The following ABR variants were observed in gnomAD, a reference collection of about 807,000 sequenced individuals.
The protein encoded by ABR is ABR activator of RhoGEF and GTPase.
A neutral mutation model predicts 107.2 loss-of-function variants in ABR; 35 were observed. That is an observed-to-expected ratio of 0.33 (90% CI 0.25 to 0.43). ABR has a LOEUF of 0.43. Among genes scored for constraint, ABR ranks in the 20% least tolerant of loss-of-function variants. ABR has a pLI of 1.00. For missense variants in ABR, 815 were observed against 1,115.2 expected (o/e 0.73, Z 3.83); for synonymous variants, 498 against 462.0 (o/e 1.08, Z -1.00).
At chr17:1,079,703 C>T (rs757883157) in intron 5 of ABR, among the ~76,000 whole-genome samples, 9 of 137,800 alleles carry the variant, frequency 6.5e-5, no homozygotes, top group Non-Finnish European at 9.2e-5. Flanking sequence ...GCAGGAGAAT[C>T]GCTTGAACCT....
At chr17:1,225,165 A>C (rs1259016796) in intron 1 of ABR, among the ~76,000 whole-genome samples, 1 of 141,300 alleles carries the variant, frequency 7.1e-6, no homozygotes, top group African/African-American at 2.9e-5. Context: ...AAAAAAAAAG[A>C]AAAGAAAAGA....
intron 16 of ABR, among the ~76,000 whole-genome samples, chr17:1,039,861 G>A (rs113696765): frequency 6.1e-4 from 93 of 152,232 alleles, no homozygotes; most frequent in Admixed American, 1.1e-3. Flanking sequence ...CTTGGCGGGC[G>A]CCGACGCGGG....
chr17:1,169,801 G>A (rs1306572667), intron 1 of ABR, among the ~76,000 whole-genome samples: 4 of 152,164 alleles, frequency 2.6e-5, no homozygotes. Flanking sequence ...TTTGAAATGT[G>A]GAGGTGGATT....
intron 2 of ABR, among the ~76,000 whole-genome samples, chr17:1,117,532 A>G (rs76050426): frequency 0.095 from 405 of 4,242 alleles, 163 homozygotes; most frequent in Non-Finnish European, 0.17. Context: ...TCCTCCCAGC[A>G]TTATCCCTGA....
intron 1 of ABR, chr17:1,125,636 C>T (rs1265023444): frequency 8.4e-6 from 3 of 355,712 alleles, no homozygotes; most frequent in East Asian, 9.1e-5. Context: ...ATGTCAGCCG[C>T]GTATTTCAAG....
rs983289062 is a variant in ABR at position 1,148,755 on chromosome 17, G to A, written c.62-23388C>T. Among the ~76,000 whole-genome samples the A allele has an allele frequency of 2.0e-5, 3 of 152,212 alleles. No homozygotes were observed. In the East Asian group the frequency reaches 5.8e-4, roughly 29 times the overall value. Reference sequence around the variant, plus strand: ...GGTGCGCTGGTTTCACAGATGCGGAGTCTCAGTTTAGCCAGGTGAGAGTTC... The same window carrying A: ...GGTGCGCTGGTTTCACAGATGCGGAATCTCAGTTTAGCCAGGTGAGAGTTC... On this transcript the variant is annotated intron_variant, in intron 1 of 22. Transcript: ENST00000302538. This position sits in a 1 kb window ranked among gnomAD's most constrained non-coding sequence, Gnocchi z 4.9.
Position 1,091,857 on chromosome 17 carries a change from G to A in ABR, c.346-7C>T. 1 of 1,610,672 alleles carries A rather than the reference G, an allele frequency of 6.2e-7. No individual in the cohort carries two copies. The highest frequency in any genetic ancestry group is 2.2e-5 in the East Asian group (1 of 44,848). On this transcript the variant is annotated splice_region_variant and splice_polypyrimidine_tract_variant and intron_variant, in intron 3 of 22. Coordinates refer to ENST00000302538, the MANE Select transcript of ABR (RefSeq NM_021962.5). ...CCTTCAGGGGTTTCATGGGCTGGGA[G>A]AAACAGAGGAAGAAAGAGCAGAGGT...
At chr17:1,226,776 GACAGTGT>G (rs2043229367) in intron 1 of ABR, among the ~76,000 whole-genome samples, 1 of 151,708 alleles carries the variant, frequency 6.6e-6, no homozygotes, top group Non-Finnish European at 1.5e-5. Context: ...GCATGCATGT[GACAGTGT>G]ACCATGTGTA....
At chr17:1,113,672 C>G (rs182777601) in intron 2 of ABR, among the ~76,000 whole-genome samples, 1 of 152,142 alleles carries the variant, frequency 6.6e-6, no homozygotes, top group Admixed American at 6.5e-5. Context: ...CAGATGTGCC[C>G]GCTGGTGCCC....
At chr17:1,152,673 T>C (rs1161269249) in intron 1 of ABR, among the ~76,000 whole-genome samples, 1 of 152,014 alleles carries the variant, frequency 6.6e-6, no homozygotes, top group African/African-American at 2.4e-5. Flanking sequence ...CACAGACTTT[T>C]TACCTCCTTT....
At chr17:1,205,704 G>A (rs1293019019) in intron 1 of ABR, among the ~76,000 whole-genome samples, 1 of 152,218 alleles carries the variant, frequency 6.6e-6, no homozygotes, top group Non-Finnish European at 1.5e-5. Flanking sequence ...CAGCACTCTG[G>A]GAGGCCCAGG....
At chr17:1,193,641 GCAACTGA>G (rs2042485008) in intron 1 of ABR, among the ~76,000 whole-genome samples, 1 of 152,118 alleles carries the variant, frequency 6.6e-6, no homozygotes, top group Non-Finnish European at 1.5e-5. Flanking sequence ...GGGAGTACTG[GCAACTGA>G]CGCTAATTCA....
At chr17:1,175,073 AC>A (rs1367589048) in intron 1 of ABR, among the ~76,000 whole-genome samples, 1 of 152,194 alleles carries the variant, frequency 6.6e-6, no homozygotes. Flanking sequence ...AGAAGATGAT[AC>A]GTGTTTAGCA....
rs368975706 is a variant in ABR, at chr17:1,050,661, C to T, written c.1562-27G>A. ...TGTGGGGGAAGGACAGACGGAGATA[C>T]TGAGTGAGTGGGGCCAGGGTGGGGC... On this transcript the variant is annotated intron_variant, in intron 14 of 22. Transcript: ENST00000302538. The surrounding 1 kb of genome is among the most constrained non-coding windows in gnomAD (Gnocchi z 4.6). 3.1e-6 allele frequency: 5 copies of T among 1,598,156 alleles called. No individual in the cohort carries two copies. Among genetic ancestry groups the T allele is most frequent in the Non-Finnish European group, 3.4e-6 (4 of 1,166,152 alleles).
intron 2 of ABR, among the ~76,000 whole-genome samples, chr17:1,104,702 C>A (rs1287029820): frequency 6.6e-6 from 1 of 152,246 alleles, no homozygotes; most frequent in Non-Finnish European, 1.5e-5. Flanking sequence ...GAGAGACCCT[C>A]TCCTCTCCCA....
chr17:1,159,936 G>C (rs2041221781), intron 1 of ABR, among the ~76,000 whole-genome samples: 1 of 152,254 alleles, frequency 6.6e-6, no homozygotes, highest in Non-Finnish European at 1.5e-5. Context: ...CTCGGCGAGG[G>C]ATGAGGGATG....
At chr17:1,152,631 C>T (rs375040090) in intron 1 of ABR, among the ~76,000 whole-genome samples, 22 of 152,094 alleles carry the variant, frequency 1.4e-4, no homozygotes, top group South Asian at 4.2e-4. Flanking sequence ...CTACAACTCC[C>T]GGCACACAAC....
intron 1 of ABR, chr17:1,228,423 G>C (rs1304004971): frequency 2.6e-5 from 4 of 152,490 alleles, no homozygotes; most frequent in African/African-American, 9.6e-5. Flanking sequence ...TGTGTGCAGA[G>C]AGGGGTGACA....
rs2260795 is a variant in ABR at position 1,092,342 on chromosome 17, A to C, written c.346-492T>G. Among the ~76,000 whole-genome samples, 58,037 of 151,366 alleles carry C rather than the reference A, an allele frequency of 0.38. 11,323 individuals are homozygous for C. The highest frequency in any genetic ancestry group is 0.48 in the East Asian group (2,456 of 5,124). On this transcript the variant is annotated intron_variant, in intron 3 of 22. Transcript: ENST00000302538. The surrounding 1 kb of genome is among the most constrained non-coding windows in gnomAD (Gnocchi z 4.6). Reference sequence around the variant, plus strand: ...CAGTCTTGGCCTCACTGATGTTCCAAGTTCCCGTCACTTGGCACAGGGAGA... The same window carrying C: ...CAGTCTTGGCCTCACTGATGTTCCACGTTCCCGTCACTTGGCACAGGGAGA...
Sources: gnomAD v4.1 joint callset for allele counts (sites outside exome capture counted in the v4.1 genomes callset) on GRCh38, gnomAD v4.1.1 for gene constraint, Gnocchi (gnomAD v3.1) non-coding constraint, MANE v1.5 for transcripts, NCBI Gene and HGNC (gene_info 2026-07-23, HGNC 2026-07-21) for gene names.